Variants in TMEM64 observed in about 807,000 individuals in gnomAD.
TMEM64 encodes transmembrane protein 64.
Under a neutral mutation model 24.5 loss-of-function variants are expected in TMEM64, and 19 were observed. That is an observed-to-expected ratio of 0.78 (90% CI 0.54 to 1.14). The LOEUF is 1.14. Among genes scored for constraint, TMEM64 ranks in the 50% most tolerant of loss-of-function variants. TMEM64 has a pLI of 0.00. For synonymous variants in TMEM64, 262 were observed against 224.7 expected, an observed-to-expected ratio of 1.17 and a Z score of -1.49; for missense variants, 487 against 493.0, an observed-to-expected ratio of 0.99 and a Z score of 0.12.
rs1042739726 is a variant in TMEM64, at chr8:90,645,399, C to T, written c.507G>A (p.Val169=). The T allele has an allele frequency of 6.4e-7, 1 of 1,551,790 alleles. No individual in the cohort carries two copies. The highest frequency in any genetic ancestry group is 8.7e-7 in the Non-Finnish European group (1 of 1,147,036). The change falls in exon 1 of 3, where the codon GTG becomes GTA. Residue 169 remains valine (V), a synonymous_variant. Coordinates refer to ENST00000458549, the MANE Select transcript of TMEM64 (RefSeq NM_001008495.4). This position sits in a 1 kb window ranked among gnomAD's most constrained non-coding sequence, Gnocchi z 4.2. The part of the protein sequence containing the change: ...GVLLFVVGFI[V]VSFPCGWGYI... ...AGCCCCAGCCGCAGGGGAAAGAGAC[C>T]ACGATGAAGCCCACGACGAAGAGCA...
intron 1 of TMEM64, among the ~76,000 whole-genome samples, chr8:90,635,295 G>A (rs1809499451): frequency 1.3e-5 from 2 of 152,274 alleles, no homozygotes; most frequent in South Asian, 4.1e-4. Flanking sequence ...AGTTTGGCAA[G>A]CAAAGATAGA....
At chr8:90,641,044 T>C (rs1392435603) in intron 1 of TMEM64, among the ~76,000 whole-genome samples, 2 of 152,228 alleles carry the variant, frequency 1.3e-5, no homozygotes, top group Non-Finnish European at 2.9e-5. Flanking sequence ...AAATTTTTTT[T>C]CTGTTAAATA....
downstream of TMEM64, chr8:90,621,995 G>C (rs192508927): frequency 6.6e-6 from 1 of 152,106 alleles, no homozygotes; most frequent in Non-Finnish European, 1.5e-5. Context: ...AAAGCGAGAA[G>C]AAAGTAAAAT....
intron 2 of TMEM64, among the ~76,000 whole-genome samples, chr8:90,628,811 T>C (rs1809397815): frequency 6.6e-6 from 1 of 152,162 alleles, no homozygotes. Flanking sequence ...ATTCGAACAC[T>C]TTAGATTCCA....
At chr8:90,635,828 T>C (rs187101190) in intron 1 of TMEM64, among the ~76,000 whole-genome samples, 2 of 152,350 alleles carry the variant, frequency 1.3e-5, no homozygotes, top group Admixed American at 6.5e-5. Context: ...TTAAAATAAA[T>C]ATCTCAGTTC....
intron 1 of TMEM64, among the ~76,000 whole-genome samples, chr8:90,640,014 AAG>A (rs929776370): frequency 6.6e-6 from 1 of 152,178 alleles, no homozygotes; most frequent in African/African-American, 2.4e-5. Flanking sequence ...AAGAGACACA[AAG>A]AGGGGAAAAC....
intron 1 of TMEM64, 57 bp from the exon 2 acceptor site, chr8:90,631,764 T>A: frequency 6.8e-7 from 1 of 1,477,528 alleles, no homozygotes; most frequent in Admixed American, 1.7e-5. Flanking sequence ...CAATTCAACA[T>A]AAAAAAATGT....
At chr8:90,635,748 T>C (rs936432176) in intron 1 of TMEM64, among the ~76,000 whole-genome samples, 7 of 152,096 alleles carry the variant, frequency 4.6e-5, no homozygotes, top group African/African-American at 1.2e-4. Flanking sequence ...TGAGAACATA[T>C]GACAAAAATG....
In TMEM64 at chr8:90,622,120, T is replaced by C. The variant is rs775304904; in HGVS notation, c.*3551A>G. The C allele has an allele frequency of 2.0e-5, 3 of 152,210 alleles. No individual in the cohort carries two copies. The highest frequency in any genetic ancestry group is 2.9e-5 in the Non-Finnish European group (2 of 68,030). The allele number at this position is 152,210 out of a possible 1,614,324, so 9.4% of individuals were successfully genotyped here. A position where few individuals can be genotyped will look rare whatever the true frequency, so the allele number is the denominator to read the frequency against. Reference sequence around the variant, plus strand: ...AATCTTCAGCCACCTTAGAAAAAGTTTGCAGCAATCACTTTGCAATTCATA... The same window carrying C: ...AATCTTCAGCCACCTTAGAAAAAGTCTGCAGCAATCACTTTGCAATTCATA... On this transcript the variant is annotated 3_prime_UTR_variant, in exon 3 of 3. Transcript: ENST00000458549.
Position 90,645,045 on chromosome 8 carries a change from T to C in TMEM64, c.795+66A>G, listed in dbSNP as rs1809667724. On this transcript the variant is annotated intron_variant, in intron 1 of 2. Coordinates refer to ENST00000458549, the MANE Select transcript of TMEM64 (RefSeq NM_001008495.4). This position sits in a 1 kb window ranked among gnomAD's most constrained non-coding sequence, Gnocchi z 4.2. ...GTATTTATCTGATAGAGCGCCCTCC[T>C]AGGGCCGCCACAAGACCGCTCAAAA... is the stretch of plus-strand genomic sequence containing the variant. 1.7e-5 allele frequency: 25 copies of C among 1,514,992 alleles called. No homozygotes were observed. In the Middle Eastern group the frequency reaches 5.3e-4, roughly 32 times the overall value. 93.8% of individuals were successfully genotyped at this position (1,514,992 alleles called of 1,614,324 possible).
chr8:90,627,932 A>T (rs184483895), intron 2 of TMEM64, among the ~76,000 whole-genome samples: 1 of 152,288 alleles, frequency 6.6e-6, no homozygotes, highest in African/African-American at 2.4e-5. Context: ...TCATTTAGAC[A>T]AGCTTACTGA....
chr8:90,645,670 G>T lies in TMEM64; in HGVS notation c.236C>A (p.Ser79Ter). The change falls in exon 1 of 3, where the codon TCG (serine) becomes TAG (stop). Residue 79 changes from serine (S) to a stop codon, truncating the protein, a stop_gained. Coordinates refer to ENST00000458549, the MANE Select transcript of TMEM64 (RefSeq NM_001008495.4). LOFTEE classifies it high-confidence loss of function. This position sits in a 1 kb window ranked among gnomAD's most constrained non-coding sequence, Gnocchi z 4.2. ...GGCCCCGCCCGGCTCCGGCAGCTCC[G>T]AAGCCTCGGGCGGACCGTGGCGCTC... Reference protein sequence around the residue: ...YLERHGPPEASELPEPGGALA... With the variant: ...YLERHGPPEA The T allele has an allele frequency of 6.6e-7, 1 of 1,514,774 alleles. No individual in the cohort carries two copies. The highest frequency in any genetic ancestry group is 8.8e-7 in the Non-Finnish European group (1 of 1,137,846). The allele number at this position is 1,514,774 out of a possible 1,614,324, so 93.8% of individuals were successfully genotyped here.
Position 90,645,726 on chromosome 8 carries a change from C to A in TMEM64, c.180G>T (p.Ala60=). 3 of 1,181,026 alleles carry A rather than the reference C, an allele frequency of 2.5e-6. No individual in the cohort carries two copies. Among genetic ancestry groups the A allele is most frequent in the East Asian group, 3.7e-5 (1 of 27,018 alleles). The allele number at this position is 1,181,026 out of a possible 1,614,324, so 73.2% of individuals were successfully genotyped here. ...GGASAAAAAA[A]ASGALLGAYL... The stretch of plus-strand genomic sequence containing the variant: ...AGGCGCCGAGCAGGGCGCCCGAGGC[C>A]GCCGCTGCTGCCGCCGCCGCGCTCG... The change falls in exon 1 of 3, where the codon GCG becomes GCT. Residue 60 remains alanine, a synonymous_variant. Transcript: ENST00000458549. This position sits in a 1 kb window ranked among gnomAD's most constrained non-coding sequence, Gnocchi z 4.2.
chr8:90,622,098 C>T lies in TMEM64; in HGVS notation c.*3573G>A, dbSNP rs926195370. 6.6e-6 allele frequency: 1 copy of T among 152,162 alleles called. No individual in the cohort carries two copies. The highest frequency in any genetic ancestry group is 1.5e-5 in the Non-Finnish European group (1 of 68,032). 9.4% of individuals were successfully genotyped at this position (152,162 alleles called of 1,614,324 possible). ...CCCTTTAGAATGATCTATTTTAAAT[C>T]TTCAGCCACCTTAGAAAAAGTTTGC... On this transcript the variant is annotated 3_prime_UTR_variant, in exon 3 of 3. Transcript: ENST00000458549.
chr8:90,637,253 C>T (rs1388846138), intron 1 of TMEM64, among the ~76,000 whole-genome samples: 1 of 152,202 alleles, frequency 6.6e-6, no homozygotes, highest in African/African-American at 2.4e-5. Flanking sequence ...TGTGGTCGGT[C>T]CTCTTAGGCA....
chr8:90,639,631 G>A (rs895768983), intron 1 of TMEM64, among the ~76,000 whole-genome samples: 1 of 152,088 alleles, frequency 6.6e-6, no homozygotes, highest in Admixed American at 6.5e-5. Flanking sequence ...AAGTCATGTT[G>A]TAATACACGT....
At chr8:90,626,662 G>C (rs987788332) in intron 2 of TMEM64, among the ~76,000 whole-genome samples, 1 of 129,344 alleles carries the variant, frequency 7.7e-6, no homozygotes, top group Admixed American at 9.5e-5. Flanking sequence ...ATGGAGTCTC[G>C]CTCTGTCGCC....
intron 1 of TMEM64, among the ~76,000 whole-genome samples, chr8:90,632,471 C>T (rs948158367): frequency 6.6e-6 from 1 of 152,078 alleles, no homozygotes; most frequent in Non-Finnish European, 1.5e-5. Context: ...TACAGGCGCC[C>T]GCCACCATGC....
chr8:90,628,369 T>TAAAG (rs1809391925), intron 2 of TMEM64, among the ~76,000 whole-genome samples: 1 of 152,134 alleles, frequency 6.6e-6, no homozygotes, highest in Non-Finnish European at 1.5e-5. Flanking sequence ...AGAGAGGTAA[T>TAAAG]CTGCTGACAA....
Sources: gnomAD v4.1 joint callset for allele counts (sites outside exome capture counted in the v4.1 genomes callset) on GRCh38, gnomAD v4.1.1 for gene constraint, Gnocchi (gnomAD v3.1) non-coding constraint, MANE v1.5 for transcripts, NCBI Gene and HGNC (gene_info 2026-07-23, HGNC 2026-07-21) for gene names.